The following PLEC variants were observed in gnomAD, a reference collection of about 807,000 sequenced individuals.
PLEC encodes the protein hemidesmosomal protein 1.
PLEC carries 216 observed loss-of-function variants against 392.8 expected under a neutral mutation model. That is an observed-to-expected ratio of 0.55 (90% CI 0.49 to 0.62). The LOEUF (loss-of-function observed/expected upper bound fraction) is 0.62, where lower values mean the gene tolerates loss of function less well. Among genes scored for constraint, PLEC ranks in the 20% least tolerant of loss-of-function variants. PLEC has a pLI of 0.00. For missense variants in PLEC, 6,863 were observed against 6,563.4 expected (o/e 1.05, Z -1.58); for synonymous variants, 3,621 against 2,980.6 (o/e 1.21, Z -7.00).
In PLEC at chr8:143,921,445, C is replaced by A. The variant is rs1554685755; in HGVS notation, c.8376G>T (p.Met2792Ile). ...TGQQISLFQA[M>I]QKGLIVREHG... is the part of the protein sequence containing the mutation. ...GCTCCCGGACGATGAGGCCCTTCTG[C>A]ATGGCTTGGAAGAGAGAGATCTGCT... Residue 2792 changes from methionine to isoleucine, a missense_variant, in exon 32 of 32, where the codon ATG becomes ATT. Met to Ile is a conservative substitution (Grantham distance 10, BLOSUM62 1). Coordinates refer to ENST00000345136, the MANE Select transcript of PLEC (RefSeq NM_201384.3). 1 of 1,613,446 alleles carries A rather than the reference C, an allele frequency of 6.2e-7. No homozygotes were observed. Among genetic ancestry groups the A allele is most frequent in the Non-Finnish European group, 8.5e-7 (1 of 1,179,854 alleles).
chr8:143,936,456 C>T (rs1554723469), intron 5 of PLEC, among the ~76,000 whole-genome samples: 3 of 152,232 alleles, frequency 2.0e-5, no homozygotes, highest in East Asian at 1.9e-4. Context: ...CGAGCTCCAT[C>T]GATGGTTGCA....
chr8:143,943,478 C>T (rs1480033413), upstream of PLEC, among the ~76,000 whole-genome samples: 3 of 152,240 alleles, frequency 2.0e-5, no homozygotes, highest in East Asian at 5.8e-4. Flanking sequence ...CCCACTTGTC[C>T]CTGCCACGGC....
At chr8:143,936,137 A>C (rs6988767) in intron 5 of PLEC, 123 bp from the exon 6 acceptor site, 7 of 1,070,098 alleles carry the variant, frequency 6.5e-6, no homozygotes, top group East Asian at 2.6e-5. Flanking sequence ...GGGCCACCAA[A>C]CCAGCCAGGG....
In PLEC at chr8:143,917,206, G is replaced by T. The variant is rs202116866; in HGVS notation, c.12615C>A (p.Ile4205=). The change falls in exon 32 of 32, where the codon ATC becomes ATA. Residue 4205 remains isoleucine (I), a synonymous_variant. Transcript: ENST00000345136. ...TGAGGTTCTTGGCGATGGCATCATC[G>T]ATGTCGTACTGGCGCCCGGAGCGGC... The part of the protein sequence containing the change: ...IDRRSGRQYD[I]DDAIAKNLID... The T allele has an allele frequency of 6.2e-7, 1 of 1,612,908 alleles. No homozygotes were observed. Among genetic ancestry groups the T allele is most frequent in the Non-Finnish European group, 8.5e-7 (1 of 1,179,670 alleles).
At position 143,924,007 on chromosome 8, in the gene PLEC, C is replaced by G. The variant is rs202190540; in HGVS notation, c.5922G>C (p.Gln1974His). Reference sequence around the variant, plus strand: ...GCCGCCGCTCCTCCTCCGCCGCCAGCTGCCGCTGCCTCGCAGCCTCCAGCT... The same window carrying G: ...GCCGCCGCTCCTCCTCCGCCGCCAGGTGCCGCTGCCTCGCAGCCTCCAGCT... ...QAELEAARQR[Q>H]LAAEEERRRR... is the part of the protein sequence containing the mutation. Residue 1974 changes from glutamine (Q) to histidine (H), a missense_variant, in exon 31 of 32, where the codon CAG becomes CAC. Gln to His is a conservative substitution (Grantham distance 24, BLOSUM62 0). Transcript: ENST00000345136. 7.9e-4 allele frequency: 1,257 copies of G among 1,586,820 alleles called. 3 individuals are homozygous for G. The highest frequency in any genetic ancestry group is 4.4e-3 in the African/African-American group (332 of 74,754).
upstream of PLEC, among the ~76,000 whole-genome samples, chr8:143,940,668 A>C (rs545155936): frequency 1.8e-3 from 277 of 152,312 alleles, 1 homozygote; most frequent in Middle Eastern, 0.01. Flanking sequence ...CACATCAGGC[A>C]GATTCGGTCC....
chr8:143,960,762 T>C (rs1341577549), intron 1 of PLEC, among the ~76,000 whole-genome samples: 1 of 152,192 alleles, frequency 6.6e-6, no homozygotes, highest in African/African-American at 2.4e-5. Context: ...CTTCTCCCTG[T>C]CTCCCCCCAC....
intron 1 of PLEC, among the ~76,000 whole-genome samples, chr8:143,961,264 C>T (rs573618626): frequency 5.3e-5 from 8 of 150,726 alleles, no homozygotes; most frequent in East Asian, 3.9e-4. Flanking sequence ...CTTGCCCTGT[C>T]GCCCAGGCTG....
intron 1 of PLEC, among the ~76,000 whole-genome samples, chr8:143,948,969 G>A (rs1359182682): frequency 2.0e-5 from 3 of 152,168 alleles, no homozygotes; most frequent in African/African-American, 7.2e-5. Context: ...GAGACATGTC[G>A]TCCATTTAGA....
Position 143,927,346 on chromosome 8 carries a change from G to C in PLEC, c.3757-11C>G. The C allele has an allele frequency of 6.2e-7, 1 of 1,612,518 alleles. No individual in the cohort carries two copies. The highest frequency in any genetic ancestry group is 8.5e-7 in the Non-Finnish European group (1 of 1,179,822). ...CTCCTCCAGCAGGGCCTGGGTGATGGTGTGGTCAGAGCCGTGGCCGCAGGG... is the reference window on the plus strand; with the variant it reads ...CTCCTCCAGCAGGGCCTGGGTGATGCTGTGGTCAGAGCCGTGGCCGCAGGG... On this transcript the variant is annotated splice_polypyrimidine_tract_variant and intron_variant, in intron 27 of 31. Transcript: ENST00000345136.
chr8:143,927,817 C>G (rs1554708716), intron 26 of PLEC, 37 bp downstream of exon 26: 1 of 1,574,552 alleles, frequency 6.4e-7, no homozygotes, highest in Non-Finnish European at 8.6e-7. Flanking sequence ...CCGCTGTACC[C>G]CCACCCCGCC....
intron 30 of PLEC, among the ~76,000 whole-genome samples, chr8:143,926,164 A>C (rs1030828400): frequency 5.3e-5 from 8 of 152,184 alleles, no homozygotes; most frequent in Non-Finnish European, 7.4e-5. Flanking sequence ...GGGGAGAGAG[A>C]GAGCAAAGCA....
intron 1 of PLEC, among the ~76,000 whole-genome samples, chr8:143,964,390 C>A (rs1000174229): frequency 6.6e-6 from 1 of 152,062 alleles, no homozygotes; most frequent in Non-Finnish European, 1.5e-5. Flanking sequence ...GGGCCTAGAA[C>A]CAATGCCAAG....
At position 143,921,585 on chromosome 8, in the gene PLEC, G is replaced by A. The variant is rs782075235; in HGVS notation, c.8236C>T (p.Arg2746Trp). The change falls in exon 32 of 32, where the codon CGG becomes TGG. Residue 2746 changes from arginine (R) to tryptophan (W), a missense_variant. Coordinates refer to ENST00000345136, the MANE Select transcript of PLEC (RefSeq NM_201384.3). Reference sequence around the variant, plus strand: ...ACAGCCTCGTTGACGGTCAGCCGCCGGTTCCGCACAGGGTCCAGCAGGAAG... The same window carrying A: ...ACAGCCTCGTTGACGGTCAGCCGCCAGTTCCGCACAGGGTCCAGCAGGAAG... ...SGFLLDPVRNRRLTVNEAVKE... is the reference protein window; with the variant it reads ...SGFLLDPVRNWRLTVNEAVKE... 50 of 1,612,224 alleles carry A rather than the reference G, an allele frequency of 3.1e-5. No individual in the cohort carries two copies. Among genetic ancestry groups the A allele is most frequent in the African/African-American group, 2.0e-4 (15 of 74,888 alleles).
rs1821038823 is a variant in PLEC, at chr8:143,917,726, C to A, written c.12095G>T (p.Gly4032Val). Reference protein sequence around the residue: ...LISLFQAMKKGLILKDHGIRL... With the variant: ...LISLFQAMKKVLILKDHGIRL... ...GATGCCATGGTCCTTCAGGATCAGG[C>A]CCTTCTTCATGGCCTGGAAGAGGGA... The change falls in exon 32 of 32, where the codon GGC becomes GTC. Residue 4032 changes from glycine (G) to valine (V), a missense_variant. Transcript: ENST00000345136. 2 of 1,613,476 alleles carry A rather than the reference C, an allele frequency of 1.2e-6. No homozygotes were observed. The highest frequency in any genetic ancestry group is 1.7e-5 in the Admixed American group (1 of 60,010).
In PLEC at chr8:143,917,398, C is replaced by T. The variant is rs1286675375; in HGVS notation, c.12423G>A (p.Val4141=). 8.7e-6 allele frequency: 14 copies of T among 1,612,346 alleles called. No homozygotes were observed. Among genetic ancestry groups the T allele is most frequent in the Non-Finnish European group, 1.2e-5 (14 of 1,180,004 alleles). ...SSKSSVRKRR[V]VIVDPETGKE... Reference sequence around the variant, plus strand: ...TGCCCGTCTCGGGGTCCACGATGACCACTCGGCGCTTGCGCACGGAGGACT... The same window carrying T: ...TGCCCGTCTCGGGGTCCACGATGACTACTCGGCGCTTGCGCACGGAGGACT... Residue 4141 remains valine (V), a synonymous_variant, in exon 32 of 32, where the codon GTG becomes GTA. Transcript: ENST00000345136.
At chr8:143,943,907 C>T (rs782175018), upstream of PLEC, 48 of 1,609,350 alleles carry the variant, frequency 3.0e-5, no homozygotes, top group African/African-American at 3.9e-4. Context: ...CACGCGGAGC[C>T]GCCAGGGCTG....
At position 143,916,261 on chromosome 8, in the gene PLEC, G is replaced by A. The variant is rs1554668435; in HGVS notation, c.13560C>T (p.Ser4520=). The A allele has an allele frequency of 1.9e-6, 3 of 1,550,886 alleles. No homozygotes were observed. The highest frequency in any genetic ancestry group is 2.4e-5 in the East Asian group (1 of 40,872). The change falls in exon 32 of 32, where the codon TCC becomes TCT. Residue 4520 remains serine (S), a synonymous_variant. Transcript: ENST00000345136. ...GGCCGTAGCCCGAGGAGGAGTAGGA[G>A]GATGAAGAGAAGGTCATGGAGAAGC... ...GSGFSMTFSS[S]SYSSSGYGRR... is the part of the protein sequence containing the mutation.
chr8:143,930,608 C>T, intron 19 of PLEC, 72 bp from the exon 20 acceptor site: 2 of 1,507,816 alleles, frequency 1.3e-6, no homozygotes, highest in Non-Finnish European at 1.8e-6. Flanking sequence ...CCCCCAGACC[C>T]CGGGACCAGG....
Sources: gnomAD v4.1 joint callset for allele counts (sites outside exome capture counted in the v4.1 genomes callset) on GRCh38, gnomAD v4.1.1 for gene constraint, MANE v1.5 for transcripts, NCBI Gene and HGNC (gene_info 2026-07-23, HGNC 2026-07-21) for gene names.